Variants in EYA4 observed in about 807,000 individuals in gnomAD.
EYA4 encodes protein phosphatase EYA4.
Under a neutral mutation model 87.9 loss-of-function variants are expected in EYA4, and 31 were observed. The observed-to-expected ratio is 0.35, with a 90% CI of 0.27 to 0.48. The LOEUF (loss-of-function observed/expected upper bound fraction) is 0.48. Ranked by LOEUF, EYA4 falls within the 20% of genes least tolerant of loss-of-function variation. The probability of loss-of-function intolerance (pLI) is 0.99; values close to 1 mark genes in which losing one functional copy is unlikely to be tolerated. For synonymous variants in EYA4, 263 were observed against 270.6 expected (o/e 0.97, Z 0.28); for missense variants, 678 against 761.4 (o/e 0.89, Z 1.29).
At chr6:133,341,556 A>C (rs62428726) in intron 2 of EYA4, among the ~76,000 whole-genome samples, 1 of 152,180 alleles carries the variant, frequency 6.6e-6, no homozygotes, top group Non-Finnish European at 1.5e-5. Context: ...TGGACTTCCA[A>C]ATAAGAATAG....
At chr6:133,469,156 A>G (rs1475036146) in intron 11 of EYA4, among the ~76,000 whole-genome samples, 4 of 152,048 alleles carry the variant, frequency 2.6e-5, no homozygotes, top group Non-Finnish European at 4.4e-5. Flanking sequence ...AATCAGTGAT[A>G]GGTAGTTTAA....
At chr6:133,292,438 C>G (rs192742356) in intron 2 of EYA4, among the ~76,000 whole-genome samples, 127 of 152,180 alleles carry the variant, frequency 8.3e-4, no homozygotes, top group Non-Finnish European at 1.9e-4. Flanking sequence ...TTCTTGAGCC[C>G]TTAATATCAA....
intron 13 of EYA4, among the ~76,000 whole-genome samples, chr6:133,496,008 T>C (rs1333964883): frequency 6.6e-6 from 1 of 152,226 alleles, no homozygotes; most frequent in Non-Finnish European, 1.5e-5. Flanking sequence ...ATTCAATGCA[T>C]GTTATCATAT....
chr6:133,453,799 A>G (rs529484910), intron 5 of EYA4: 1 of 152,272 alleles, frequency 6.6e-6, no homozygotes, highest in African/African-American at 2.4e-5. Flanking sequence ...GCATTTTAGT[A>G]AAGCTAACAC....
intron 3 of EYA4, among the ~76,000 whole-genome samples, chr6:133,422,839 GC>G (rs1179718842): frequency 6.6e-6 from 1 of 152,176 alleles, no homozygotes; most frequent in Non-Finnish European, 1.5e-5. Flanking sequence ...CCTTGGAATT[GC>G]CCCTTCTGAC....
chr6:133,463,432 T>C (rs1320820976), intron 9 of EYA4, among the ~76,000 whole-genome samples: 8 of 149,868 alleles, frequency 5.3e-5, no homozygotes, highest in South Asian at 4.2e-4. Flanking sequence ...TGATCTTGGC[T>C]AACTTGCAAC....
At chr6:133,437,835 G>C (rs1302619671) in intron 3 of EYA4, among the ~76,000 whole-genome samples, 1 of 152,126 alleles carries the variant, frequency 6.6e-6, no homozygotes, top group African/African-American at 2.4e-5. Flanking sequence ...GGGGGAGACC[G>C]CCCCTATGAC....
intron 2 of EYA4, among the ~76,000 whole-genome samples, chr6:133,378,227 G>A (rs1342376908): frequency 6.6e-6 from 1 of 152,206 alleles, no homozygotes; most frequent in African/African-American, 2.4e-5. Flanking sequence ...TTGATGTGTG[G>A]CCTTAAGTTG....
chr6:133,423,394 A>G (rs569103084), intron 3 of EYA4, among the ~76,000 whole-genome samples: 1 of 152,174 alleles, frequency 6.6e-6, no homozygotes, highest in Non-Finnish European at 1.5e-5. Context: ...GGCTGTACCA[A>G]TTTACATTCC....
At chr6:133,410,633 T>TTTTTTTTTTTTTTTTTTTTTTTTTGAGAC (rs1554252061) in intron 3 of EYA4, among the ~76,000 whole-genome samples, 1 of 148,722 alleles carries the variant, frequency 6.7e-6, no homozygotes, top group Non-Finnish European at 1.5e-5. Context: ...ACTAAGGTCT[T>TTTTTTTTTTTTTTTTTTTTTTTTTGAGAC]AATTCCTTCT....
intron 6 of EYA4, among the ~76,000 whole-genome samples, chr6:133,457,863 A>G (rs1345882367): frequency 1.3e-5 from 2 of 152,196 alleles, no homozygotes; most frequent in Non-Finnish European, 2.9e-5. Context: ...GACCTACTTC[A>G]GTAGTATACT....
chr6:133,505,467 C>T (rs1315742454), intron 13 of EYA4, among the ~76,000 whole-genome samples: 2 of 152,154 alleles, frequency 1.3e-5, no homozygotes, highest in South Asian at 4.1e-4. Flanking sequence ...TTTAGCTATT[C>T]TCACCCCTCC....
chr6:133,253,566 G>A (rs892620783), intron 1 of EYA4, among the ~76,000 whole-genome samples: 1 of 151,548 alleles, frequency 6.6e-6, no homozygotes, highest in African/African-American at 2.4e-5. Context: ...TTTTCTCCCT[G>A]GCATATTCTC....
intron 2 of EYA4, among the ~76,000 whole-genome samples, chr6:133,354,285 T>C (rs1031514414): frequency 2.2e-4 from 33 of 152,186 alleles, no homozygotes; most frequent in African/African-American, 8.0e-4. Flanking sequence ...GAAGTTGTTA[T>C]CTTTAACTAC....
chr6:133,323,585 C>T (rs1781264074), intron 2 of EYA4, among the ~76,000 whole-genome samples: 1 of 151,678 alleles, frequency 6.6e-6, no homozygotes, highest in Non-Finnish European at 1.5e-5. Context: ...AATAGCTCAG[C>T]AAAAATGTTT....
intron 2 of EYA4, among the ~76,000 whole-genome samples, chr6:133,335,800 G>A (rs1782323812): frequency 6.6e-6 from 1 of 152,146 alleles, no homozygotes; most frequent in Non-Finnish European, 1.5e-5. Context: ...TAGGGGCCAG[G>A]ACATCAAGCA....
chr6:133,330,566 TATACACACACAC>T (rs1208458059), intron 2 of EYA4, among the ~76,000 whole-genome samples: 4 of 54,720 alleles, frequency 7.3e-5, no homozygotes, highest in Non-Finnish European at 1.4e-4. Flanking sequence ...TATATATATA[TATACACACACAC>T]ACACACACAC....
chr6:133,432,203 G>A lies in EYA4; in HGVS notation c.84-14427G>A, dbSNP rs747502837. On this transcript the variant is annotated intron_variant, in intron 3 of 19. Coordinates refer to ENST00000355286, the MANE Select transcript of EYA4 (RefSeq NM_004100.5). Reference sequence around the variant, plus strand: ...ACAGCAAATTAAAAGATCTCCAAGGGTCAGCCTGCCTCCCAGCTGCCAGCC... The same window carrying A: ...ACAGCAAATTAAAAGATCTCCAAGGATCAGCCTGCCTCCCAGCTGCCAGCC... 2.0e-5 allele frequency among the ~76,000 whole-genome samples: 3 copies of A among 152,258 alleles called. No individual in the cohort carries two copies. The Middle Eastern group carries it at 0.01, about 518-fold the overall frequency.
In EYA4 at chr6:133,490,393, C is replaced by CAAAAAAAAAACA. The variant is rs58462211; in HGVS notation, c.1191+7287_1191+7288insACAAAAAAAAAA. Among the ~76,000 whole-genome samples the CAAAAAAAAAACA allele has an allele frequency of 2.7e-5, 4 of 145,838 alleles. No homozygotes were observed. The East Asian group carries it at 8.1e-4, about 30-fold the overall frequency. On this transcript the variant is annotated intron_variant, in intron 13 of 19. Coordinates refer to ENST00000355286, the MANE Select transcript of EYA4 (RefSeq NM_004100.5). ...AGTGGCTGAATAGATTAAAAAAAAA[C>CAAAAAAAAAACA]AAAAAAAAACAAAAAACCGTGACCC...
Sources: gnomAD v4.1 joint callset for allele counts (sites outside exome capture counted in the v4.1 genomes callset) on GRCh38, gnomAD v4.1.1 for gene constraint, MANE v1.5 for transcripts, NCBI Gene and HGNC (gene_info 2026-07-23, HGNC 2026-07-21) for gene names.